The following PRMT5 variants were observed in gnomAD, a reference collection of about 807,000 sequenced individuals.
The protein encoded by PRMT5 is protein arginine methyltransferase 5, also known as protein arginine N-methyltransferase 5.
In PRMT5, 15 loss-of-function variants were observed where a neutral mutation model predicts 84.0. That is an observed-to-expected ratio of 0.18 (90% CI 0.12 to 0.28). The LOEUF is 0.28. Ranked by LOEUF, PRMT5 falls within the 10% of genes least tolerant of loss-of-function variation. The pLI, the probability that PRMT5 is intolerant of heterozygous loss-of-function variation, is 1.00. For synonymous variants in PRMT5, 276 were observed against 292.4 expected (o/e 0.94, Z 0.57); for missense variants, 486 against 808.0 (o/e 0.60, Z 4.83).
chr14:22,921,078 G>A, intron 16 of PRMT5, 22 bp from the exon 17 acceptor site: 2 of 1,613,390 alleles, frequency 1.2e-6, no homozygotes, highest in Non-Finnish European at 1.7e-6. Flanking sequence ...AAGACAGGAA[G>A]GTTCAGGGTG....
chr14:22,921,006 T>C lies in PRMT5; in HGVS notation c.1812A>G (p.Arg604=). Reference sequence around the variant, plus strand: ...ACCACACCTTCTTGGAATTGCTGCATCGCCAGAAACGCACACAGATGGTTT... The same window carrying C: ...ACCACACCTTCTTGGAATTGCTGCACCGCCAGAAACGCACACAGATGGTTT... ...EGQTICVRFW[R]CSNSKKVWYE... is the part of the protein sequence containing the mutation. Residue 604 remains arginine (R), a synonymous_variant, in exon 17 of 17, where the codon CGA becomes CGG. Transcript: ENST00000324366. 1.9e-6 allele frequency: 3 copies of C among 1,614,230 alleles called. No individual in the cohort carries two copies. The highest frequency in any genetic ancestry group is 1.3e-5 in the African/African-American group (1 of 75,056).
In PRMT5 at chr14:22,921,403, G is replaced by A. The variant is rs115151103; in HGVS notation, c.1762-347C>T. ...CAAGAGAAAGGCATGAAAGCCTGAGGTAGGAAAGAAGATAGACAATTAGAA... is the reference window on the plus strand; with the variant it reads ...CAAGAGAAAGGCATGAAAGCCTGAGATAGGAAAGAAGATAGACAATTAGAA... On this transcript the variant is annotated intron_variant, in intron 16 of 16. Coordinates refer to ENST00000324366, the MANE Select transcript of PRMT5 (RefSeq NM_006109.5). Among the ~76,000 whole-genome samples, 881 of 152,330 alleles carry A rather than the reference G, an allele frequency of 5.8e-3. 7 individuals are homozygous for A. Among genetic ancestry groups the A allele is most frequent in the African/African-American group, 0.02 (835 of 41,566 alleles).
chr14:22,921,584 A>C (rs961467309), intron 16 of PRMT5, among the ~76,000 whole-genome samples: 12 of 152,200 alleles, frequency 7.9e-5, no homozygotes, highest in Non-Finnish European at 1.3e-4. Flanking sequence ...GTTTTAAGCA[A>C]AAAAGAGAGA....
At chr14:22,926,069 C>G in intron 7 of PRMT5, 64 bp downstream of exon 7, 1 of 1,465,316 alleles carries the variant, frequency 6.8e-7, no homozygotes, top group South Asian at 1.3e-5. Context: ...AAAAAACGAT[C>G]ATACACAGGT....
chr14:22,924,355 C>T lies in PRMT5; in HGVS notation c.1114G>A (p.Val372Met), dbSNP rs1358721718. Reference protein sequence around the residue: ...MVLGAGRGPLVNASLRAAKQA... With the variant: ...MVLGAGRGPLMNASLRAAKQA... ...TTGGCTGCCCGCAGGGAAGCGTTCACCAGGGGTCCCCGTCCTGCTCCCAGC... is the reference window on the plus strand; with the variant it reads ...TTGGCTGCCCGCAGGGAAGCGTTCATCAGGGGTCCCCGTCCTGCTCCCAGC... Residue 372 changes from valine (V) to methionine (M), a missense_variant, in exon 11 of 17, where the codon GTG becomes ATG. Transcript: ENST00000324366. This position sits in a 1 kb window ranked among gnomAD's most constrained non-coding sequence, Gnocchi z 6.5. The T allele has an allele frequency of 6.2e-7, 1 of 1,614,058 alleles. No homozygotes were observed. The highest frequency in any genetic ancestry group is 8.5e-7 in the Non-Finnish European group (1 of 1,180,020).
intron 4 of PRMT5, among the ~76,000 whole-genome samples, chr14:22,927,141 A>G (rs1594520114): frequency 6.9e-6 from 1 of 144,290 alleles, no homozygotes; most frequent in South Asian, 2.1e-4. Flanking sequence ...GCTGGAGTGC[A>G]GTGGTGCAAT....
Position 22,921,499 on chromosome 14 carries a change from C to G in PRMT5, c.1762-443G>C, listed in dbSNP as rs1483199992. 2.0e-5 allele frequency among the ~76,000 whole-genome samples: 3 copies of G among 152,156 alleles called. No individual in the cohort carries two copies. In the East Asian group the frequency reaches 5.8e-4, roughly 29 times the overall value. On this transcript the variant is annotated intron_variant, in intron 16 of 16. Coordinates refer to ENST00000324366, the MANE Select transcript of PRMT5 (RefSeq NM_006109.5). ...GTAGCTGCAAAGGCAAGCAAACACT[C>G]GATCACATCAAGTCTTACAAGCAAT...
chr14:22,922,260 A>G lies in PRMT5; in HGVS notation c.1697-20T>C. On this transcript the variant is annotated intron_variant, in intron 15 of 16. Transcript: ENST00000324366. ...GGATACCTGTGTGGACAAAATAATG[A>G]AAAAACAGAGGTCTCCATGGCTGTG... The G allele has an allele frequency of 6.4e-7, 1 of 1,574,670 alleles. No homozygotes were observed. The highest frequency in any genetic ancestry group is 8.7e-7 in the Non-Finnish European group (1 of 1,144,176).
In PRMT5 at chr14:22,924,487, G is replaced by A. The variant is rs766512783; in HGVS notation, c.1068C>T (p.Thr356=). The A allele has an allele frequency of 5.0e-6, 8 of 1,614,028 alleles. No individual in the cohort carries two copies. The South Asian group carries it at 7.7e-5, about 16-fold the overall frequency. The stretch of plus-strand genomic sequence containing the variant: ...GAGGGGAAAGCACTCACTGGACATT[G>A]GTATCCTTCTCCTCTTCTGGTACTC... The part of the protein sequence containing the change: ...LDRVPEEEKD[T]NVQVLMVLGA... The change falls in exon 10 of 17, where the codon ACC becomes ACT. Residue 356 remains threonine, a synonymous_variant. Coordinates refer to ENST00000324366, the MANE Select transcript of PRMT5 (RefSeq NM_006109.5). The surrounding 1 kb of genome is among the most constrained non-coding windows in gnomAD (Gnocchi z 6.5).
chr14:22,921,309 T>C (rs1053997182), intron 16 of PRMT5, among the ~76,000 whole-genome samples: 1 of 152,074 alleles, frequency 6.6e-6, no homozygotes, highest in African/African-American at 2.4e-5. Context: ...TATCTCACAA[T>C]AAAAATGTTT....
Position 22,922,448 on chromosome 14 carries a change from G to A in PRMT5, c.1691C>T (p.Thr564Ile), listed in dbSNP as rs775055876. 39 of 1,608,130 alleles carry A rather than the reference G, an allele frequency of 2.4e-5. No individual in the cohort carries two copies. Among genetic ancestry groups the A allele is most frequent in the Non-Finnish European group, 3.1e-5 (37 of 1,174,640 alleles). Residue 564 changes from threonine (T) to isoleucine (I), a missense_variant, in exon 15 of 17, where the codon ACT (threonine) becomes ATT (isoleucine). This residue lies in a region of PRMT5 where 219 missense variants were observed against 433.6 expected (regional missense o/e 0.51). Coordinates refer to ENST00000324366, the MANE Select transcript of PRMT5 (RefSeq NM_006109.5). ...CTACTGCCATAGACACTCACTCAGA[G>A]TGATGTCCTGATAAAGCACAGTCTC... ...YFETVLYQDI[T>I]LSIRPETHSP... is the part of the protein sequence containing the mutation.
Position 22,928,339 on chromosome 14 carries a change from G to T in PRMT5, c.230-128C>A. ...GTTTTTTCTACATAGACATGGGATA[G>T]CCTGATGCAGAATAGAGAAGCAAGG... On this transcript the variant is annotated intron_variant, in intron 2 of 16. Coordinates refer to ENST00000324366, the MANE Select transcript of PRMT5 (RefSeq NM_006109.5). The surrounding 1 kb of genome is among the most constrained non-coding windows in gnomAD (Gnocchi z 4.8). 2.6e-6 allele frequency: 3 copies of T among 1,166,212 alleles called. No individual in the cohort carries two copies. The highest frequency in any genetic ancestry group is 2.5e-6 in the Non-Finnish European group (2 of 788,244). The allele number at this position is 1,166,212 out of a possible 1,614,324, so 72.2% of individuals were successfully genotyped here. A position where few individuals can be genotyped will look rare whatever the true frequency, so the allele number is the denominator to read the frequency against.
chr14:22,921,209 A>G, intron 16 of PRMT5, 153 bp from the exon 17 acceptor site: 2 of 941,236 alleles, frequency 2.1e-6, no homozygotes, highest in Non-Finnish European at 3.2e-6. Context: ...CAAATAATCA[A>G]AGGTGTGGTG....
chr14:22,921,219 G>A (rs948359422), intron 16 of PRMT5, 163 bp from the exon 17 acceptor site: 2 of 847,666 alleles, frequency 2.4e-6, no homozygotes, highest in Non-Finnish European at 3.6e-6. Context: ...AAGGTGTGGT[G>A]AGAGCTGTGA....
chr14:22,926,045 G>C, intron 7 of PRMT5, 88 bp downstream of exon 7: 1 of 1,352,616 alleles, frequency 7.4e-7, no homozygotes, highest in Non-Finnish European at 1.0e-6. Context: ...AAGAAAAAGA[G>C]TCAGCCTCAC....
Position 22,924,583 on chromosome 14 carries a change from C to G in PRMT5, c.1018-46G>C. On this transcript the variant is annotated intron_variant, in intron 9 of 16. Transcript: ENST00000324366. This position sits in a 1 kb window ranked among gnomAD's most constrained non-coding sequence, Gnocchi z 6.5. ...CCCATGGTTGTAATCCCATCCTCCC[C>G]AGGTCATGCTGGCCCTGTGCTTTCC... 1 of 1,612,784 alleles carries G rather than the reference C, an allele frequency of 6.2e-7. No homozygotes were observed. The highest frequency in any genetic ancestry group is 8.5e-7 in the Non-Finnish European group (1 of 1,178,780).
At position 22,923,296 on chromosome 14, in the gene PRMT5, T is replaced by C. The variant is rs2044345891; in HGVS notation, c.1376-136A>G. 2 of 612,254 alleles carry C rather than the reference T, an allele frequency of 3.3e-6. No individual in the cohort carries two copies. The highest frequency in any genetic ancestry group is 3.7e-5 in the African/African-American group (2 of 53,938). The allele number at this position is 612,254 out of a possible 1,614,324, so 37.9% of individuals were successfully genotyped here. A position where few individuals can be genotyped will look rare whatever the true frequency, so the allele number is the denominator to read the frequency against. ...CATGGGCATGGAAGAAAGAGACAAA[T>C]GCATGTTGTCACATTACTAAGCCAG... is the stretch of plus-strand genomic sequence containing the variant. On this transcript the variant is annotated intron_variant, in intron 12 of 16. Coordinates refer to ENST00000324366, the MANE Select transcript of PRMT5 (RefSeq NM_006109.5). This position sits in a 1 kb window ranked among gnomAD's most constrained non-coding sequence, Gnocchi z 5.2.
chr14:22,928,170 G>A lies in PRMT5; in HGVS notation c.271C>T (p.Arg91Cys), dbSNP rs765221574. ...LIVGKLSPWIRPDSKVEKIRR... is the reference protein window; with the variant it reads ...LIVGKLSPWICPDSKVEKIRR... ...ATCTTCTCCACTTTTGAGTCTGGAC[G>A]AATCCATGGAGAAAGCTTTCCCACA... The change falls in exon 3 of 17, where the codon CGT becomes TGT. Residue 91 changes from arginine (R) to cysteine (C), a missense_variant. Arg to Cys is a radical substitution (Grantham distance 180). This residue lies in a region of PRMT5 where 215 missense variants were observed against 301.1 expected (regional missense o/e 0.71). Transcript: ENST00000324366. This position sits in a 1 kb window ranked among gnomAD's most constrained non-coding sequence, Gnocchi z 4.8. 1.2e-6 allele frequency: 2 copies of A among 1,614,110 alleles called. No homozygotes were observed. The highest frequency in any genetic ancestry group is 1.7e-6 in the Non-Finnish European group (2 of 1,180,036).
At position 22,928,720 on chromosome 14, in the gene PRMT5, C is replaced by T. The variant is rs890472748; in HGVS notation, c.111-105G>A. On this transcript the variant is annotated intron_variant, in intron 1 of 16. Coordinates refer to ENST00000324366, the MANE Select transcript of PRMT5 (RefSeq NM_006109.5). The surrounding 1 kb of genome is among the most constrained non-coding windows in gnomAD (Gnocchi z 4.8). Reference sequence around the variant, plus strand: ...GATTTTGCACAGCCCTTTCAGCTGCCATCAGTTCAGCCTACTAGGCTGCTG... The same window carrying T: ...GATTTTGCACAGCCCTTTCAGCTGCTATCAGTTCAGCCTACTAGGCTGCTG... 1.9e-5 allele frequency: 18 copies of T among 929,500 alleles called. No individual in the cohort carries two copies. The highest frequency in any genetic ancestry group is 3.5e-5 in the Admixed American group (2 of 57,824). 57.6% of individuals were successfully genotyped at this position (929,500 alleles called of 1,614,324 possible). A position where few individuals can be genotyped will look rare whatever the true frequency, so the allele number is the denominator to read the frequency against.
Sources: gnomAD v4.1 joint callset for allele counts (sites outside exome capture counted in the v4.1 genomes callset) on GRCh38, gnomAD v4.1.1 for gene constraint, gnomAD v4.1.1 regional missense constraint, Gnocchi (gnomAD v3.1) non-coding constraint, MANE v1.5 for transcripts, NCBI Gene and HGNC (gene_info 2026-07-23, HGNC 2026-07-21) for gene names.